Variants in GMEB1 observed in about 807,000 individuals in gnomAD.
GMEB1 encodes the protein glucocorticoid modulatory element-binding protein 1.
GMEB1 carries 6 observed loss-of-function variants against 52.4 expected under a neutral mutation model. That is an observed-to-expected ratio of 0.11 (90% CI 0.06 to 0.23). The LOEUF (loss-of-function observed/expected upper bound fraction) is 0.23, where lower values mean the gene tolerates loss of function less well. Ranked by LOEUF, GMEB1 falls within the 10% of genes least tolerant of loss-of-function variation. The pLI, the probability that GMEB1 is intolerant of heterozygous loss-of-function variation, is 1.00. For missense variants in GMEB1, 486 were observed against 685.6 expected (o/e 0.71, Z 3.25); for synonymous variants, 255 against 244.9 (o/e 1.04, Z -0.38).
rs549608380 is a variant in GMEB1, at chr1:28,681,247, A to G, written c.-30-2336A>G. On this transcript the variant is annotated intron_variant, in intron 1 of 9. Coordinates refer to ENST00000373816, the MANE Select transcript of GMEB1 (RefSeq NM_001319674.2). ...GTTTCAAGTAAATCACAAAATGGTT[A>G]GCAGGGACTAGCCAAAAAGGAAGGG... is the stretch of plus-strand genomic sequence containing the variant. Among the ~76,000 whole-genome samples, 15 of 152,288 alleles carry G rather than the reference A, an allele frequency of 9.8e-5. 2 individuals carry two copies. The highest frequency in any genetic ancestry group is 3.6e-4 in the African/African-American group (15 of 41,580).
chr1:28,686,086 A>G (rs1269229696), intron 2 of GMEB1, among the ~76,000 whole-genome samples: 1 of 152,094 alleles, frequency 6.6e-6, no homozygotes, highest in Non-Finnish European at 1.5e-5. Flanking sequence ...CATGCCTGTA[A>G]TCCTAGCACT....
intron 5 of GMEB1, among the ~76,000 whole-genome samples, chr1:28,694,319 T>G (rs1454387739): frequency 1.3e-5 from 2 of 151,142 alleles, no homozygotes; most frequent in Admixed American, 1.3e-4. Context: ...GCCTCCCCAG[T>G]AGCTGGGACT....
Position 28,718,481 on chromosome 1 carries a change from CACAATT to C in GMEB1, c.*3711_*3716del, listed in dbSNP as rs1312817257. The C allele has an allele frequency of 1.4e-4, 22 of 152,256 alleles. No individual in the cohort carries two copies. Among genetic ancestry groups the C allele is most frequent in the African/African-American group, 4.8e-4 (20 of 41,528 alleles). 9.4% of individuals were successfully genotyped at this position (152,256 alleles called of 1,614,324 possible). On this transcript the variant is annotated 3_prime_UTR_variant, in exon 10 of 10. Transcript: ENST00000373816. ...AAGTCTTGTGGCTCGCACTTGTAGA[CACAATT>C]ACTCAGGATGCTGAGGCAAGAGGAT...
At chr1:28,698,086 G>A (rs1670312967) in intron 6 of GMEB1, among the ~76,000 whole-genome samples, 2 of 152,078 alleles carry the variant, frequency 1.3e-5, no homozygotes, top group Admixed American at 1.3e-4. Flanking sequence ...CTTGCAGTAA[G>A]CCGAGATGGC....
chr1:28,698,181 C>T (rs540458425), intron 6 of GMEB1, among the ~76,000 whole-genome samples: 3 of 150,628 alleles, frequency 2.0e-5, no homozygotes, highest in African/African-American at 7.3e-5. Context: ...CCATCCTGGC[C>T]AACATGGTGA....
chr1:28,675,125 C>T (rs1257360992), intron 1 of GMEB1, among the ~76,000 whole-genome samples: 1 of 149,544 alleles, frequency 6.7e-6, no homozygotes, highest in East Asian at 2.0e-4. Flanking sequence ...TCACGCCATT[C>T]TCCTGCCTCA....
At chr1:28,698,214 C>CA (rs1193199537) in intron 6 of GMEB1, among the ~76,000 whole-genome samples, 1 of 148,454 alleles carries the variant, frequency 6.7e-6, no homozygotes, top group Non-Finnish European at 1.5e-5. Context: ...ACTAAAAATA[C>CA]AAAAATTAGC....
rs771260988 is a variant in GMEB1, at chr1:28,714,443, C to T, written c.1362C>T (p.Thr454=). 14 of 1,614,114 alleles carry T rather than the reference C, an allele frequency of 8.7e-6. No individual in the cohort carries two copies. In the South Asian group the frequency reaches 1.4e-4, roughly 16 times the overall value. ...AGAGCAGCTCACCAGACACAGTGAC[C>T]ATCCACCCTTCATCTAGCTTGGCGC... ...SAKSSSPDTV[T]IHPSSSLALL... is the part of the protein sequence containing the mutation. The change falls in exon 10 of 10, where the codon ACC becomes ACT. Residue 454 remains threonine (T), a synonymous_variant. Coordinates refer to ENST00000373816, the MANE Select transcript of GMEB1 (RefSeq NM_001319674.2).
Position 28,719,150 on chromosome 1 carries a change from A to G in GMEB1, c.*4377A>G, listed in dbSNP as rs1331847698. 1 of 152,188 alleles carries G rather than the reference A, an allele frequency of 6.6e-6. No individual in the cohort carries two copies. The highest frequency in any genetic ancestry group is 6.6e-5 in the Admixed American group (1 of 15,246). The allele number at this position is 152,188 out of a possible 1,614,324, so 9.4% of individuals were successfully genotyped here. On this transcript the variant is annotated 3_prime_UTR_variant, in exon 10 of 10. Transcript: ENST00000373816. ...GACTGGAGTCTAGCTGGCAAAGGGTAAATGCCCCCAAAGCCTTCCTGCCAT... is the reference window on the plus strand; with the variant it reads ...GACTGGAGTCTAGCTGGCAAAGGGTGAATGCCCCCAAAGCCTTCCTGCCAT...
chr1:28,689,135 G>A (rs1260546069), intron 2 of GMEB1, among the ~76,000 whole-genome samples: 4 of 151,994 alleles, frequency 2.6e-5, no homozygotes, highest in African/African-American at 4.8e-5. Context: ...TGATCCGCCC[G>A]CTTTGTCCTT....
At chr1:28,701,987 G>A (rs1346468183) in intron 6 of GMEB1, among the ~76,000 whole-genome samples, 2 of 152,116 alleles carry the variant, frequency 1.3e-5, no homozygotes. Context: ...TAATAAATAA[G>A]TTAGATGCTT....
At chr1:28,683,074 T>C (rs1438453279) in intron 1 of GMEB1, among the ~76,000 whole-genome samples, 2 of 152,076 alleles carry the variant, frequency 1.3e-5, no homozygotes, top group Non-Finnish European at 2.9e-5. Context: ...AAACCTATAC[T>C]AGCAAGTGAC....
chr1:28,705,103 C>CA (rs1178022804), intron 8 of GMEB1, among the ~76,000 whole-genome samples: 1 of 133,480 alleles, frequency 7.5e-6, no homozygotes, highest in Non-Finnish European at 1.6e-5. Context: ...AAAAAAAAAA[C>CA]ACAGGCCAGG....
intron 5 of GMEB1, among the ~76,000 whole-genome samples, chr1:28,693,608 C>T (rs1279001469): frequency 6.6e-6 from 1 of 151,882 alleles, no homozygotes; most frequent in Admixed American, 6.6e-5. Context: ...CCTCGGCCTC[C>T]CGGGTTCAAG....
chr1:28,681,806 G>A (rs1172631306), intron 1 of GMEB1, among the ~76,000 whole-genome samples: 1 of 151,960 alleles, frequency 6.6e-6, no homozygotes, highest in African/African-American at 2.4e-5. Context: ...GGGTTCAAGC[G>A]ATTCTCCTGC....
intron 1 of GMEB1, among the ~76,000 whole-genome samples, chr1:28,674,475 A>G (rs1045646350): frequency 6.6e-6 from 1 of 151,596 alleles, no homozygotes; most frequent in Non-Finnish European, 1.5e-5. Context: ...CTCACCTGCA[A>G]CCTCCGCCTC....
At chr1:28,670,007 A>G (rs753242656) in intron 1 of GMEB1, among the ~76,000 whole-genome samples, 3 of 152,134 alleles carry the variant, frequency 2.0e-5, no homozygotes, top group African/African-American at 4.8e-5. Context: ...CCTAGTAGAC[A>G]CAGATGGGGC....
intron 2 of GMEB1, among the ~76,000 whole-genome samples, chr1:28,689,061 TG>T (rs1669830242): frequency 6.6e-6 from 1 of 151,948 alleles, no homozygotes; most frequent in African/African-American, 2.4e-5. Context: ...GACTAATTTT[TG>T]TATTTTTAGT....
At position 28,691,614 on chromosome 1, in the gene GMEB1, A is replaced by G. The variant is rs766652452; in HGVS notation, c.241A>G (p.Met81Val). The G allele has an allele frequency of 1.3e-6, 2 of 1,570,018 alleles. No individual in the cohort carries two copies. Among genetic ancestry groups the G allele is most frequent in the Non-Finnish European group, 1.7e-6 (2 of 1,150,024 alleles). The change falls in exon 4 of 10, where the codon ATG (methionine) becomes GTG (valine). Residue 81 changes from methionine to valine, a missense_variant. Met to Val is a conservative substitution (Grantham distance 21). Around this residue, in one of 5 missense-constraint regions of GMEB1, gnomAD observed 88 missense variants for 96.5 expected, o/e 0.91. Coordinates refer to ENST00000373816, the MANE Select transcript of GMEB1 (RefSeq NM_001319674.2). ...AGGCACTATAGAAGCAAATGAGGAT[A>G]TGGAAATTGCTTACCCCATAACTTG... ...DTGTIEANED[M>V]EIAYPITCGE...
Sources: allele counts gnomAD v4.1 joint callset (sites outside exome capture counted in the v4.1 genomes callset), GRCh38; gene constraint gnomAD v4.1.1; regional missense constraint gnomAD v4.1.1; transcripts MANE v1.5; gene names NCBI Gene and HGNC (gene_info 2026-07-23, HGNC 2026-07-21).